The following INTS1 variants were observed in gnomAD, a reference collection of about 807,000 sequenced individuals.
The protein encoded by INTS1 is integrator complex subunit 1.
INTS1 carries 137 observed loss-of-function variants against 241.6 expected under a neutral mutation model. That is an observed-to-expected ratio of 0.57 (90% CI 0.49 to 0.65). The LOEUF (loss-of-function observed/expected upper bound fraction) is 0.65. Among genes scored for constraint, INTS1 ranks in the 30% least tolerant of loss-of-function variants. INTS1 has a pLI of 0.00. For synonymous variants in INTS1, 1,692 were observed against 1,337.8 expected (o/e 1.26, Z -5.78); for missense variants, 3,073 against 3,032.2 (o/e 1.01, Z -0.32).
chr7:1,495,657 C>A, intron 12 of INTS1, 104 bp from the exon 13 acceptor site: 2 of 1,424,068 alleles, frequency 1.4e-6, no homozygotes, highest in South Asian at 1.3e-5. Flanking sequence ...GAGGGGGTAA[C>A]TCAGGGCACC....
At position 1,498,198 on chromosome 7, in the gene INTS1, T is replaced by C. The variant is rs966169407; in HGVS notation, c.1425+214A>G. On this transcript the variant is annotated intron_variant, in intron 10 of 47. Transcript: ENST00000404767. Reference sequence around the variant, plus strand: ...CCCTCCTAAATGGACAGAGTGTCAGTTTCTGAGAAAGACGCTGGGCGCTGT... The same window carrying C: ...CCCTCCTAAATGGACAGAGTGTCAGCTTCTGAGAAAGACGCTGGGCGCTGT... 10 of 704,950 alleles carry C rather than the reference T, an allele frequency of 1.4e-5. No individual in the cohort carries two copies. In the African/African-American group the frequency reaches 1.6e-4, roughly 11 times the overall value. 43.7% of individuals were successfully genotyped at this position (704,950 alleles called of 1,614,324 possible).
chr7:1,474,087 C>T, intron 41 of INTS1, 81 bp downstream of exon 41: 1 of 1,433,026 alleles, frequency 7.0e-7, no homozygotes, highest in Non-Finnish European at 9.2e-7. Context: ...CTCCCAGTCC[C>T]TCCGCGAGTG....
rs1266235382 is a variant in INTS1 at position 1,477,896 on chromosome 7, C to T, written c.4671G>A (p.Glu1557=). The change falls in exon 34 of 48, where the codon GAG becomes GAA. Residue 1557 remains glutamate (E), a synonymous_variant. Transcript: ENST00000404767. ...CAGAGAAGAATGCAGTCAGCAGCTC[C>T]TCCAGGTGGGGGGACCTCACCTCGA... is the stretch of plus-strand genomic sequence containing the variant. ...GLIEVRSPHL[E]ELLTAFFSAT... 2 of 1,612,622 alleles carry T rather than the reference C, an allele frequency of 1.2e-6. No homozygotes were observed. Among genetic ancestry groups the T allele is most frequent in the Non-Finnish European group, 1.7e-6 (2 of 1,179,840 alleles).
Position 1,487,338 on chromosome 7 carries a change from G to A in INTS1, c.2628C>T (p.Leu876=), listed in dbSNP as rs765127527. 1 of 1,603,124 alleles carries A rather than the reference G, an allele frequency of 6.2e-7. No individual in the cohort carries two copies. The highest frequency in any genetic ancestry group is 2.2e-5 in the East Asian group (1 of 44,524). The part of the protein sequence containing the change: ...LCRSRNPDFL[L]HIIQRQASSQ... Reference sequence around the variant, plus strand: ...CACTCACCTGCCGCTGGATGATGTGGAGGAGAAAGTCAGGGTTTCGGCTGC... The same window carrying A: ...CACTCACCTGCCGCTGGATGATGTGAAGGAGAAAGTCAGGGTTTCGGCTGC... Residue 876 remains leucine, a synonymous_variant, in exon 20 of 48, where the codon CTC becomes CTT. Transcript: ENST00000404767.
intron 16 of INTS1, among the ~76,000 whole-genome samples, chr7:1,491,366 G>A (rs1380806047): frequency 6.6e-6 from 1 of 152,196 alleles, no homozygotes; most frequent in Admixed American, 6.5e-5. Flanking sequence ...TTCAACAGCG[G>A]TGCCGGGACA....
chr7:1,475,868 C>A (rs1198151727), intron 39 of INTS1, 80 bp downstream of exon 39: 1 of 1,485,880 alleles, frequency 6.7e-7, no homozygotes, highest in Non-Finnish European at 9.0e-7. Flanking sequence ...TGGCCATGTA[C>A]ACTGTGGCCT....
chr7:1,501,640 C>G (rs141609941), intron 3 of INTS1, among the ~76,000 whole-genome samples: 1 of 152,174 alleles, frequency 6.6e-6, no homozygotes, highest in African/African-American at 2.4e-5. Context: ...CGCCGGCGGC[C>G]GAGAGCCCGG....
At chr7:1,485,614 G>A in intron 22 of INTS1, 145 bp from the exon 23 acceptor site, 2 of 778,804 alleles carry the variant, frequency 2.6e-6, no homozygotes, top group Non-Finnish European at 4.0e-6. Flanking sequence ...CAGGTAAAAG[G>A]GAAAAACGAG....
chr7:1,471,157 AG>A lies in INTS1; in HGVS notation c.6322del (p.Leu2108CysfsTer74). On this transcript the variant is annotated frameshift_variant, in exon 46 of 48. Coordinates refer to ENST00000404767, the MANE Select transcript of INTS1 (RefSeq NM_001080453.3). LOFTEE classifies it high-confidence loss of function. The part of the protein sequence containing the change: ...CCRNLAFSLA[L>X]RSMQNSPSIA... The stretch of plus-strand genomic sequence containing the variant: ...CCTGGGGCTGTTCTGCATGGAGCGC[AG>A]GGCCAGGCTGAAGGCGAGGTTGCGG... 1 of 1,578,664 alleles carries A rather than the reference AG, an allele frequency of 6.3e-7. No individual in the cohort carries two copies.
Position 1,470,318 on chromosome 7 carries a change from C to G in INTS1, c.*259G>C. The G allele has an allele frequency of 4.3e-6, 2 of 468,034 alleles. No homozygotes were observed. The highest frequency in any genetic ancestry group is 7.5e-6 in the Non-Finnish European group (2 of 266,142). 29.0% of individuals were successfully genotyped at this position (468,034 alleles called of 1,614,324 possible). A position where few individuals can be genotyped will look rare whatever the true frequency, so the allele number is the denominator to read the frequency against. The stretch of plus-strand genomic sequence containing the variant: ...TCATTCAAAACCAGCCCAGGCCATG[C>G]CCGGGGGGATCCGCCGCTCCGCGGC... On this transcript the variant is annotated 3_prime_UTR_variant, in exon 48 of 48. Transcript: ENST00000404767.
chr7:1,503,283 T>A, intron 2 of INTS1, 92 bp from the exon 3 acceptor site: 1 of 1,347,910 alleles, frequency 7.4e-7, no homozygotes, highest in Non-Finnish European at 1.0e-6. Context: ...CAGAGGGGAT[T>A]AAACAAGGGT....
chr7:1,503,266 G>A lies in INTS1; in HGVS notation c.59-75C>T, dbSNP rs551550033. On this transcript the variant is annotated intron_variant, in intron 2 of 47. Transcript: ENST00000404767. ...GGAAAAAGACTGACTCTAACCTCCT[G>A]TTATGTCAGAGGGGATTAAACAAGG... 1,403 of 1,425,578 alleles carry A rather than the reference G, an allele frequency of 9.8e-4. 35 individuals carry two copies. The South Asian group carries it at 0.019, about 19-fold the overall frequency. 88.3% of individuals were successfully genotyped at this position (1,425,578 alleles called of 1,614,324 possible). A position where few individuals can be genotyped will look rare whatever the true frequency, so the allele number is the denominator to read the frequency against.
In INTS1 at chr7:1,474,328, C is replaced by G. The variant is rs1399466419; in HGVS notation, c.5669G>C (p.Gly1890Ala). The change falls in exon 41 of 48, where the codon GGC becomes GCC. Residue 1890 changes from glycine to alanine, a missense_variant. By Grantham distance (60) the Gly-to-Ala change is moderately conservative. Transcript: ENST00000404767. Reference sequence around the variant, plus strand: ...CTCCTGGAAGTTGAGGTGGGTGCGGCCGTGCAGGAGCGCCGCGATCATGGG... The same window carrying G: ...CTCCTGGAAGTTGAGGTGGGTGCGGGCGTGCAGGAGCGCCGCGATCATGGG... ...HLPMIAALLH[G>A]RTHLNFQEFR... 1 of 1,605,838 alleles carries G rather than the reference C, an allele frequency of 6.2e-7. No homozygotes were observed. The highest frequency in any genetic ancestry group is 8.5e-7 in the Non-Finnish European group (1 of 1,177,864).
Position 1,487,897 on chromosome 7 carries a change from G to A in INTS1, c.2379C>T (p.Asn793=), listed in dbSNP as rs1249319672. ...TDEETRTEML[N]RELQTAQREK... is the part of the protein sequence containing the mutation. ...CCCGCTGGGCGGTCTGCAGCTCACG[G>A]TTCAGCATCTCCGTCCGGGTCTCCT... is the stretch of plus-strand genomic sequence containing the variant. The change falls in exon 19 of 48, where the codon AAC becomes AAT. Residue 793 remains asparagine, a synonymous_variant. Coordinates refer to ENST00000404767, the MANE Select transcript of INTS1 (RefSeq NM_001080453.3). 3 of 1,613,560 alleles carry A rather than the reference G, an allele frequency of 1.9e-6. No individual in the cohort carries two copies. The highest frequency in any genetic ancestry group is 2.2e-5 in the East Asian group (1 of 44,862).
intron 22 of INTS1, among the ~76,000 whole-genome samples, chr7:1,485,788 T>C (rs1355716575): frequency 2.6e-5 from 4 of 152,146 alleles, no homozygotes; most frequent in Admixed American, 6.5e-5. Context: ...ACAGTCAGAG[T>C]GCACTGAACA....
chr7:1,472,047 T>C (rs1022031404), intron 44 of INTS1, among the ~76,000 whole-genome samples: 1 of 152,198 alleles, frequency 6.6e-6, no homozygotes, highest in Non-Finnish European at 1.5e-5. Context: ...CCCTGCTTTT[T>C]GCTGTGCCTG....
At chr7:1,499,793 C>T in intron 5 of INTS1, 91 bp downstream of exon 5, 4 of 1,507,710 alleles carry the variant, frequency 2.7e-6, no homozygotes, top group Non-Finnish European at 3.6e-6. Flanking sequence ...AGACACAGCC[C>T]TCTGGAGAGA....
At chr7:1,494,764 C>T (rs958335183) in intron 14 of INTS1, 52 bp downstream of exon 14, 25 of 1,534,002 alleles carry the variant, frequency 1.6e-5, no homozygotes, top group East Asian at 7.4e-5. Context: ...CCCGGCACCC[C>T]GCAGCCCCGC....
In INTS1 at chr7:1,470,661, GA is replaced by G; in HGVS notation, c.6488del (p.Phe2163SerfsTer19). 1 of 1,581,554 alleles carries G rather than the reference GA, an allele frequency of 6.3e-7. No individual in the cohort carries two copies. Among genetic ancestry groups the G allele is most frequent in the Non-Finnish European group, 8.6e-7 (1 of 1,164,752 alleles). Reference protein sequence around the residue: ...EHAAVLLHRAFLVGMYGQMDP... With the variant: ...EHAAVLLHRAXLVGMYGQMDP... ...CCATCTGGCCGTACATGCCCACCAG[GA>G]AGGCCCGGTGGAGCAGCACAGCCGC... On this transcript the variant is annotated frameshift_variant, in exon 48 of 48. Coordinates refer to ENST00000404767, the MANE Select transcript of INTS1 (RefSeq NM_001080453.3). LOFTEE classifies it high-confidence loss of function.
Sources: gnomAD v4.1 joint callset for allele counts (sites outside exome capture counted in the v4.1 genomes callset) on GRCh38, gnomAD v4.1.1 for gene constraint, MANE v1.5 for transcripts, NCBI Gene and HGNC (gene_info 2026-07-23, HGNC 2026-07-21) for gene names.